Variants in IL3RA observed in about 807,000 individuals in gnomAD.
IL3RA encodes the protein interleukin 3 receptor subunit alpha, also known as interleukin-3 receptor subunit alpha.
Under a neutral mutation model 52.3 loss-of-function variants are expected in IL3RA, and 73 were observed. That is an observed-to-expected ratio of 1.40 (90% CI 1.16 to 1.70). The LOEUF (loss-of-function observed/expected upper bound fraction) is 1.70. Among genes scored for constraint, IL3RA ranks in the 40% most tolerant of loss-of-function variants. IL3RA has a pLI of 0.00. For missense variants in IL3RA, 664 were observed against 504.4 expected, an observed-to-expected ratio of 1.32 and a Z score of -3.03; for synonymous variants, 260 against 194.0, an observed-to-expected ratio of 1.34 and a Z score of -2.83.
Position 1,365,100 on chromosome X carries a change from T to C in IL3RA, c.760-38T>C, listed in dbSNP as rs767357395. 8.7e-6 allele frequency: 13 copies of C among 1,496,158 alleles called. No homozygotes were observed. The South Asian group carries it at 1.2e-4, about 14-fold the overall frequency. 92.7% of individuals were successfully genotyped at this position (1,496,158 alleles called of 1,614,324 possible). On this transcript the variant is annotated intron_variant, in intron 8 of 11. Coordinates refer to ENST00000331035, the MANE Select transcript of IL3RA (RefSeq NM_002183.4). Reference sequence around the variant, plus strand: ...CCCAGGTGAGAGTCATGAGCCACCATACCTGGCCCCTCTTCTTTATTTTCT... The same window carrying C: ...CCCAGGTGAGAGTCATGAGCCACCACACCTGGCCCCTCTTCTTTATTTTCT...
At chrX:1,382,273 A>ACCCACCGCGCCTGGCCCAAAGTGCCGG in intron 11 of IL3RA, 118 bp from the exon 12 acceptor site, 1 of 940,340 alleles carries the variant, frequency 1.1e-6, no homozygotes, top group Non-Finnish European at 1.7e-6. Flanking sequence ...GACAGGCGTG[A>ACCCACCGCGCCTGGCCCAAAGTGCCGG]GACACCATGC....
In IL3RA at chrX:1,348,655, T is replaced by TTTCTTTCTTTCC. The variant is rs1491178357; in HGVS notation, c.298+121_298+122insCTTCTTTCTTTC. On this transcript the variant is annotated intron_variant, in intron 4 of 11. Transcript: ENST00000331035. ...TTTCTTTTCTTTTTCTCTTTCTTTC[T>TTTCTTTCTTTCC]TTCTTTCTTTCTTTCTTTCTTTCTT... 8.2e-4 allele frequency: 339 copies of TTTCTTTCTTTCC among 415,656 alleles called. 12 individuals are homozygous for TTTCTTTCTTTCC. Among genetic ancestry groups the TTTCTTTCTTTCC allele is most frequent in the Middle Eastern group, 5.5e-3 (9 of 1,650 alleles). 25.7% of individuals were successfully genotyped at this position (415,656 alleles called of 1,614,324 possible).
At chrX:1,351,316 A>G (rs1474840864) in intron 4 of IL3RA, among the ~76,000 whole-genome samples, 3 of 138,908 alleles carry the variant, frequency 2.2e-5, no homozygotes, top group Non-Finnish European at 4.7e-5. Context: ...AGGCACTCTA[A>G]AAAGGAATTA....
intron 9 of IL3RA, among the ~76,000 whole-genome samples, chrX:1,367,988 C>T (rs1240977248): frequency 6.6e-6 from 1 of 152,016 alleles, no homozygotes; most frequent in Non-Finnish European, 1.5e-5. Flanking sequence ...CAAGGTCGTC[C>T]CACTGACAGA....
intron 8 of IL3RA, among the ~76,000 whole-genome samples, chrX:1,360,051 C>G (rs777734184): frequency 6.7e-6 from 1 of 149,394 alleles, no homozygotes; most frequent in Admixed American, 6.8e-5. Flanking sequence ...CTCTGTCTGT[C>G]TCTGTATCTC....
In IL3RA at chrX:1,365,261, G is replaced by A; in HGVS notation, c.874+9G>A. ...CACCCCCCAGCGCTTCGGTGAGTGG[G>A]CTGTGCGGGGTGCGCGGGGTGAGCG... On this transcript the variant is annotated intron_variant, in intron 9 of 11. Coordinates refer to ENST00000331035, the MANE Select transcript of IL3RA (RefSeq NM_002183.4). 1 of 1,596,966 alleles carries A rather than the reference G, an allele frequency of 6.3e-7. No individual in the cohort carries two copies. The highest frequency in any genetic ancestry group is 1.1e-5 in the South Asian group (1 of 90,784).
At chrX:1,360,762 A>T in intron 8 of IL3RA, among the ~76,000 whole-genome samples, 1 of 151,224 alleles carries the variant, frequency 6.6e-6, no homozygotes, top group South Asian at 2.1e-4. Context: ...TCCTGACCTC[A>T]GGCGATCCAC....
At chrX:1,346,757 A>C (rs2085760151) in intron 3 of IL3RA, among the ~76,000 whole-genome samples, 1 of 151,496 alleles carries the variant, frequency 6.6e-6, no homozygotes, top group Admixed American at 6.6e-5. Context: ...GGGGTGGCCC[A>C]GGTGACACTG....
chrX:1,368,075 C>T (rs1317720927), intron 9 of IL3RA, among the ~76,000 whole-genome samples: 1 of 152,014 alleles, frequency 6.6e-6, no homozygotes, highest in South Asian at 2.1e-4. Flanking sequence ...CCGGCTAACA[C>T]GGTGAAACCC....
intron 8 of IL3RA, 22 bp from the exon 9 acceptor site, chrX:1,365,116 T>A (rs2087818869): frequency 1.3e-6 from 2 of 1,577,798 alleles, no homozygotes; most frequent in South Asian, 2.2e-5. Flanking sequence ...GCCCCTCTTC[T>A]TTATTTTCTT....
intron 9 of IL3RA, among the ~76,000 whole-genome samples, chrX:1,368,189 G>A (rs1249846716): frequency 6.6e-6 from 1 of 151,462 alleles, no homozygotes; most frequent in Non-Finnish European, 1.5e-5. Flanking sequence ...AACCCGGGAG[G>A]CGGAGGTTGC....
At chrX:1,377,683 GGAGA>G (rs1262835193) in intron 9 of IL3RA, among the ~76,000 whole-genome samples, 1 of 103,518 alleles carries the variant, frequency 9.7e-6, no homozygotes, top group African/African-American at 3.6e-5. Context: ...TTTTTTTTTT[GGAGA>G]GAGAGTCTCT....
intron 7 of IL3RA, 42 bp downstream of exon 7, chrX:1,356,378 C>T: frequency 8.0e-7 from 1 of 1,246,454 alleles, no homozygotes; most frequent in Non-Finnish European, 1.1e-6. Context: ...CCCCCGTGGA[C>T]ATCCCTTATT....
rs780895095 is a variant in IL3RA, at chrX:1,382,439, G to T, written c.1111G>T (p.Glu371Ter). The change falls in exon 12 of 12, where the codon GAA (glutamate) becomes TAA (stop). Residue 371 changes from glutamate (E) to a stop codon, truncating the protein, a stop_gained. Transcript: ENST00000331035. LOFTEE classifies it high-confidence loss of function. Reference protein sequence around the residue: ...KAGLEECLVTEVQVVQKT With the variant: ...KAGLEECLVT Reference sequence around the variant, plus strand: ...CGGCCTGGAGGAGTGTCTGGTGACTGAAGTACAGGTCGTGCAGAAAACTTG... The same window carrying T: ...CGGCCTGGAGGAGTGTCTGGTGACTTAAGTACAGGTCGTGCAGAAAACTTG... 6.2e-7 allele frequency: 1 copy of T among 1,613,944 alleles called. No individual in the cohort carries two copies. The highest frequency in any genetic ancestry group is 8.5e-7 in the Non-Finnish European group (1 of 1,179,852).
chrX:1,339,744 A>T lies in IL3RA; in HGVS notation c.-38-1984A>T, dbSNP rs188118519. 4.6e-5 allele frequency among the ~76,000 whole-genome samples: 7 copies of T among 152,178 alleles called. No homozygotes were observed. The South Asian group carries it at 1.5e-3, about 32-fold the overall frequency. The stretch of plus-strand genomic sequence containing the variant: ...GAGGTGGAGGTTGCAGTGAACCAAG[A>T]TCGCGCCACTGCACTCCGGCCTGGA... On this transcript the variant is annotated intron_variant, in intron 1 of 11. Transcript: ENST00000331035.
At chrX:1,377,219 C>A (rs1486035486) in intron 9 of IL3RA, among the ~76,000 whole-genome samples, 3 of 152,102 alleles carry the variant, frequency 2.0e-5, no homozygotes, top group Non-Finnish European at 4.4e-5. Flanking sequence ...AGAATCAATT[C>A]CTTTTTTCTT....
chrX:1,356,410 G>A (rs2086718886), intron 7 of IL3RA, 74 bp downstream of exon 7: 4 of 865,316 alleles, frequency 4.6e-6, no homozygotes, highest in South Asian at 1.5e-5. Context: ...GCACTCTGGG[G>A]CCTTGAAACG....
intron 1 of IL3RA, among the ~76,000 whole-genome samples, 162 bp from the exon 2 acceptor site, chrX:1,341,566 G>A (rs1444492754): frequency 3.0e-5 from 4 of 135,226 alleles, no homozygotes; most frequent in Non-Finnish European, 4.9e-5. Flanking sequence ...GTGCAAAGGC[G>A]CATTTGCACA....
At chrX:1,339,294 A>C (rs1443378265) in intron 1 of IL3RA, among the ~76,000 whole-genome samples, 1 of 152,108 alleles carries the variant, frequency 6.6e-6, no homozygotes, top group Non-Finnish European at 1.5e-5. Flanking sequence ...GACTCTAGAG[A>C]TTGCCTGTTG....
Sources: gnomAD v4.1 joint callset for allele counts (sites outside exome capture counted in the v4.1 genomes callset) on GRCh38, gnomAD v4.1.1 for gene constraint, MANE v1.5 for transcripts, NCBI Gene and HGNC (gene_info 2026-07-23, HGNC 2026-07-21) for gene names.